The following GPR107 variants were observed in gnomAD, a reference collection of about 807,000 sequenced individuals.
GPR107 encodes protein GPR107.
In GPR107, 31 loss-of-function variants were observed where a neutral mutation model predicts 75.5. The observed-to-expected ratio is 0.41, with a 90% CI of 0.31 to 0.55. GPR107 has a LOEUF of 0.55. GPR107 is among the 20% of genes least tolerant of loss of function. The pLI is 0.26. For missense variants in GPR107, 572 were observed against 665.7 expected (o/e 0.86, Z 1.55); for synonymous variants, 267 against 251.3 (o/e 1.06, Z -0.59).
rs1016483903 is a variant in GPR107, at chr9:130,128,513, T to G, written c.1441-127T>G. 17 of 781,694 alleles carry G rather than the reference T, an allele frequency of 2.2e-5. No homozygotes were observed. In the African/African-American group the frequency reaches 2.2e-4, roughly 10 times the overall value. The allele number at this position is 781,694 out of a possible 1,614,324, so 48.4% of individuals were successfully genotyped here. On this transcript the variant is annotated intron_variant, in intron 16 of 17. Coordinates refer to ENST00000347136, the MANE Select transcript of GPR107 (RefSeq NM_020960.5). ...AAGGAAAATGCCCTGTAGCAGGAAGTGGCATCTGAGTAAAGAACCATCGAG... is the reference window on the plus strand; with the variant it reads ...AAGGAAAATGCCCTGTAGCAGGAAGGGGCATCTGAGTAAAGAACCATCGAG...
intron 14 of GPR107, among the ~76,000 whole-genome samples, chr9:130,108,365 G>C (rs1183372309): frequency 6.6e-6 from 1 of 152,230 alleles, no homozygotes; most frequent in Non-Finnish European, 1.5e-5. Flanking sequence ...AGCCAATGTA[G>C]ATTCATTTTA....
Position 130,075,719 on chromosome 9 carries a change from A to G in GPR107, c.225A>G (p.Ser75=). 1.3e-6 allele frequency: 2 copies of G among 1,594,570 alleles called. No homozygotes were observed. Among genetic ancestry groups the G allele is most frequent in the South Asian group, 1.1e-5 (1 of 90,686 alleles). Residue 75 remains serine (S), a synonymous_variant, in exon 2 of 18, where the codon TCA becomes TCG. Coordinates refer to ENST00000347136, the MANE Select transcript of GPR107 (RefSeq NM_020960.5). ...TGGTGGTGAATGTCAGTAGCCTCTC[A>G]CTGAATGAGCCTGAAGACAAGGATG... is the stretch of plus-strand genomic sequence containing the variant. ...GYMVVNVSSL[S]LNEPEDKDVT... is the part of the protein sequence containing the mutation.
At position 130,070,001 on chromosome 9, in the gene GPR107, TTTTTTTTTTTA is replaced by T. The variant is rs1315686664; in HGVS notation, c.142-5634_142-5624del. 3.1e-3 allele frequency among the ~76,000 whole-genome samples: 146 copies of T among 47,152 alleles called. 3 individuals are homozygous for T. The highest frequency in any genetic ancestry group is 4.3e-3 in the African/African-American group (67 of 15,448). The allele number at this position is 47,152 out of a possible 152,430, so 30.9% of individuals were successfully genotyped here. On this transcript the variant is annotated intron_variant, in intron 1 of 17. Coordinates refer to ENST00000347136, the MANE Select transcript of GPR107 (RefSeq NM_020960.5). ...CCTGGCCTCTTTTTTTTTTTTTTTT[TTTTTTTTTTTA>T]AATTTTTTTGAGACAGGGTCTTGCT...
chr9:130,090,959 T>C lies in GPR107; in HGVS notation c.705T>C (p.Ser235=). The change falls in exon 8 of 18, where the codon AGT becomes AGC. Residue 235 remains serine (S), a synonymous_variant. Transcript: ENST00000347136. ...AATGCCTTGGAAAAGAATTGCCAAG[T>C]GACAAGTTTACATTCAGCCTTGATG... ...FHKCLGKELP[S]DKFTFSLDIE... 1 of 1,509,740 alleles carries C rather than the reference T, an allele frequency of 6.6e-7. No homozygotes were observed. Among genetic ancestry groups the C allele is most frequent in the Non-Finnish European group, 9.2e-7 (1 of 1,086,260 alleles). 93.5% of individuals were successfully genotyped at this position (1,509,740 alleles called of 1,614,324 possible).
At chr9:130,097,243 C>A (rs1830897491) in intron 9 of GPR107, among the ~76,000 whole-genome samples, 1 of 151,086 alleles carries the variant, frequency 6.6e-6, no homozygotes, top group African/African-American at 2.4e-5. Context: ...CAACCTCCAC[C>A]TCCTGAGTGC....
chr9:130,064,621 G>A (rs937386103), intron 1 of GPR107, among the ~76,000 whole-genome samples: 2 of 152,210 alleles, frequency 1.3e-5, no homozygotes, highest in African/African-American at 4.8e-5. Context: ...ATCTGTATGT[G>A]TTGGGTTGAC....
intron 9 of GPR107, among the ~76,000 whole-genome samples, chr9:130,093,844 C>G (rs187281932): frequency 2.0e-4 from 31 of 151,954 alleles, no homozygotes; most frequent in African/African-American, 7.5e-4. Flanking sequence ...GATTCTCACT[C>G]TCTCCCCTAG....
In GPR107 at chr9:130,082,103, C is replaced by T. The variant is rs1830505535; in HGVS notation, c.527-1462C>T. On this transcript the variant is annotated intron_variant, in intron 5 of 17. Coordinates refer to ENST00000347136, the MANE Select transcript of GPR107 (RefSeq NM_020960.5). ...TTTAAACAACCAGATCATGCCTGAA[C>T]TCGGAGCAAGAACTCACTCCTTACC... Among the ~76,000 whole-genome samples, 3 of 152,138 alleles carry T rather than the reference C, an allele frequency of 2.0e-5. No homozygotes were observed. The South Asian group carries it at 6.2e-4, about 32-fold the overall frequency.
chr9:130,098,738 C>A (rs1168723847), intron 9 of GPR107, among the ~76,000 whole-genome samples: 4 of 152,148 alleles, frequency 2.6e-5, no homozygotes, highest in South Asian at 4.2e-4. Flanking sequence ...CTGGGTGTGG[C>A]GGCTCACCCC....
At chr9:130,121,181 TCAAAA>T (rs77505902) in intron 14 of GPR107, among the ~76,000 whole-genome samples, 16,862 of 140,772 alleles carry the variant, frequency 0.12, 994 homozygotes, top group African/African-American at 0.13. Flanking sequence ...AGACCCTATC[TCAAAA>T]CAAAACAAAA....
intron 5 of GPR107, among the ~76,000 whole-genome samples, chr9:130,080,417 T>C (rs776277006): frequency 6.6e-6 from 1 of 152,176 alleles, no homozygotes; most frequent in South Asian, 2.1e-4. Context: ...CAATATGGGG[T>C]ATTTTCTTTT....
intron 4 of GPR107, among the ~76,000 whole-genome samples, chr9:130,078,214 T>G (rs538985209): frequency 6.6e-6 from 1 of 152,210 alleles, no homozygotes; most frequent in South Asian, 2.1e-4. Flanking sequence ...GACTTTGTGT[T>G]TTCAAGTTCA....
intron 14 of GPR107, among the ~76,000 whole-genome samples, chr9:130,119,140 C>G (rs1179422306): frequency 6.6e-6 from 1 of 152,166 alleles, no homozygotes; most frequent in Non-Finnish European, 1.5e-5. Context: ...GTCGTGGGAC[C>G]CCAGGCTGCG....
intron 17 of GPR107, chr9:130,129,872 G>A (rs1027688794): frequency 2.6e-5 from 4 of 152,386 alleles, no homozygotes; most frequent in Non-Finnish European, 2.9e-5. Context: ...CCGAGCGGCC[G>A]GGTCGCAGCA....
chr9:130,120,388 C>T (rs983718224), intron 14 of GPR107, among the ~76,000 whole-genome samples: 1 of 152,134 alleles, frequency 6.6e-6, no homozygotes, highest in African/African-American at 2.4e-5. Context: ...AGGCAGAGTG[C>T]CTTCCTCTCT....
intron 2 of GPR107, 103 bp from the exon 3 acceptor site, chr9:130,076,308 AC>A: frequency 4.5e-6 from 3 of 673,540 alleles, no homozygotes; most frequent in Non-Finnish European, 8.0e-6. Context: ...TGCTAAGAAA[AC>A]AGAGGAGACC....
At chr9:130,104,300 A>G in intron 12 of GPR107, 120 bp from the exon 13 acceptor site, 1 of 783,328 alleles carries the variant, frequency 1.3e-6, no homozygotes. Context: ...GGGACTGGAA[A>G]GAATGCTGTG....
intron 17 of GPR107, among the ~76,000 whole-genome samples, chr9:130,130,945 G>C (rs1831814248): frequency 6.6e-6 from 1 of 151,098 alleles, no homozygotes; most frequent in Non-Finnish European, 1.5e-5. Flanking sequence ...TTGCAGTCTT[G>C]TGTGGCAGAA....
chr9:130,072,720 TGGG>T (rs967924953), intron 1 of GPR107, among the ~76,000 whole-genome samples: 1 of 151,610 alleles, frequency 6.6e-6, no homozygotes, highest in South Asian at 2.1e-4. Flanking sequence ...CTATTTATGT[TGGG>T]GGGGGAACTG....
Sources: gnomAD v4.1 joint callset for allele counts (sites outside exome capture counted in the v4.1 genomes callset) on GRCh38, gnomAD v4.1.1 for gene constraint, MANE v1.5 for transcripts, NCBI Gene and HGNC (gene_info 2026-07-23, HGNC 2026-07-21) for gene names.